Variants in SLC25A46 observed in about 807,000 individuals in gnomAD.
SLC25A46 encodes the protein mitochondrial outer membrane protein SLC25A46.
Under a neutral mutation model 44.6 loss-of-function variants are expected in SLC25A46, and 39 were observed. That is an observed-to-expected ratio of 0.87 (90% CI 0.68 to 1.14). SLC25A46 has a LOEUF of 1.14. Among genes scored for constraint, SLC25A46 ranks in the 50% most tolerant of loss-of-function variants. SLC25A46 has a pLI of 0.00. For synonymous variants in SLC25A46, 202 were observed against 185.8 expected (o/e 1.09, Z -0.71); for missense variants, 547 against 522.7 (o/e 1.05, Z -0.45).
intron 5 of SLC25A46, among the ~76,000 whole-genome samples, chr5:110,749,863 T>C (rs17506192): frequency 0.12 from 18,574 of 152,054 alleles, 1,424 homozygotes; most frequent in South Asian, 0.21. Flanking sequence ...TATTGGAAAT[T>C]AGAAATTTTT....
chr5:110,748,136 A>T, intron 4 of SLC25A46, 27 bp from the exon 5 acceptor site: 1 of 1,532,304 alleles, frequency 6.5e-7, no homozygotes, highest in Non-Finnish European at 9.0e-7. Context: ...GTATTAACAG[A>T]AATAACATGA....
intron 5 of SLC25A46, 43 bp downstream of exon 5, chr5:110,748,306 A>G: frequency 3.3e-6 from 5 of 1,522,682 alleles, no homozygotes; most frequent in Non-Finnish European, 4.6e-6. Context: ...TCATGTGGTG[A>G]TGTGTTTTTA....
At chr5:110,749,235 A>C (rs1799896619) in intron 5 of SLC25A46, among the ~76,000 whole-genome samples, 1 of 152,122 alleles carries the variant, frequency 6.6e-6, no homozygotes, top group African/African-American at 2.4e-5. Flanking sequence ...GAAGAAGATA[A>C]AGAATTTATC....
intron 7 of SLC25A46, among the ~76,000 whole-genome samples, chr5:110,758,911 T>C (rs1463742794): frequency 6.6e-6 from 1 of 152,232 alleles, no homozygotes; most frequent in African/African-American, 2.4e-5. Flanking sequence ...TAAGGATTCA[T>C]ATTGACTCAT....
chr5:110,745,565 C>T (rs1799796376), intron 3 of SLC25A46: 1 of 152,110 alleles, frequency 6.6e-6, no homozygotes, highest in African/African-American at 2.4e-5. Context: ...TTATAACCCA[C>T]TTTCTCTGTA....
Position 110,761,096 on chromosome 5 carries a change from C to T in SLC25A46, c.679-108C>T, listed in dbSNP as rs1800236712. ...AAAGTCTGCAAATCATGGATGTTTC[C>T]CTCTTCAGTCACTATGTTAGGATTT... On this transcript the variant is annotated intron_variant, in intron 7 of 7. Coordinates refer to ENST00000355943, the MANE Select transcript of SLC25A46 (RefSeq NM_138773.4). The surrounding 1 kb of genome is among the most constrained non-coding windows in gnomAD (Gnocchi z 5.3). The T allele has an allele frequency of 1.3e-6, 1 of 795,950 alleles. No individual in the cohort carries two copies. The highest frequency in any genetic ancestry group is 2.6e-5 in the East Asian group (1 of 38,782). 49.3% of individuals were successfully genotyped at this position (795,950 alleles called of 1,614,324 possible). A position where few individuals can be genotyped will look rare whatever the true frequency, so the allele number is the denominator to read the frequency against.
chr5:110,761,449 T>C lies in SLC25A46; in HGVS notation c.924T>C (p.Ser308=). The change falls in exon 8 of 8, where the codon AGT becomes AGC. Residue 308 remains serine (S), a synonymous_variant. Transcript: ENST00000355943. The surrounding 1 kb of genome is among the most constrained non-coding windows in gnomAD (Gnocchi z 5.3). ...CTGAGAGCACTAGCCCTGTGCAGAG[T>C]ATGTTGGATGCTTATTTTCCAGAAC... is the stretch of plus-strand genomic sequence containing the variant. ...HLAESTSPVQ[S]MLDAYFPELI... 1 of 1,613,688 alleles carries C rather than the reference T, an allele frequency of 6.2e-7. No homozygotes were observed. Among genetic ancestry groups the C allele is most frequent in the Non-Finnish European group, 8.5e-7 (1 of 1,179,798 alleles).
chr5:110,757,879 T>A (rs762395537), intron 7 of SLC25A46, among the ~76,000 whole-genome samples: 10 of 152,254 alleles, frequency 6.6e-5, no homozygotes, highest in Non-Finnish European at 1.5e-4. Context: ...ATTATCACAT[T>A]TCTCTGCTTA....
At position 110,739,200 on chromosome 5, in the gene SLC25A46, C is replaced by T. The variant is rs1323118441; in HGVS notation, c.81C>T (p.Ala27=). The T allele has an allele frequency of 5.1e-6, 8 of 1,562,716 alleles. No individual in the cohort carries two copies. Among genetic ancestry groups the T allele is most frequent in the Non-Finnish European group, 6.9e-6 (8 of 1,153,894 alleles). Residue 27 remains alanine, a synonymous_variant, in exon 1 of 8, where the codon GCC becomes GCT. Coordinates refer to ENST00000355943, the MANE Select transcript of SLC25A46 (RefSeq NM_138773.4). ...GGGACGAGCAGGGCTTTGGCGGCGCCTTCCCTGCAAGGTCCTTCAGCACCG... is the reference window on the plus strand; with the variant it reads ...GGGACGAGCAGGGCTTTGGCGGCGCTTTCCCTGCAAGGTCCTTCAGCACCG... The part of the protein sequence containing the change: ...GARDEQGFGG[A]FPARSFSTGS...
intron 2 of SLC25A46, among the ~76,000 whole-genome samples, chr5:110,743,017 G>A (rs145322453): frequency 4.0e-4 from 61 of 151,990 alleles, no homozygotes; most frequent in African/African-American, 1.4e-3. Context: ...TAAAATCTGT[G>A]TTTTCCATTC....
intron 5 of SLC25A46, among the ~76,000 whole-genome samples, chr5:110,751,284 G>A (rs1337050149): frequency 1.3e-5 from 2 of 152,174 alleles, no homozygotes; most frequent in Non-Finnish European, 2.9e-5. Flanking sequence ...ATGAATAATT[G>A]CAAATTGAAA....
chr5:110,738,943 C>T (rs186912891), upstream of SLC25A46: 3 of 1,430,738 alleles, frequency 2.1e-6, no homozygotes, highest in East Asian at 5.1e-5. Flanking sequence ...TTAATGGTTG[C>T]CGGAAGAGGC....
At position 110,762,628 on chromosome 5, in the gene SLC25A46, G is replaced by A. The variant is rs553177449; in HGVS notation, c.*846G>A. The A allele has an allele frequency of 1.3e-5, 2 of 151,884 alleles. No homozygotes were observed. The highest frequency in any genetic ancestry group is 4.8e-5 in the African/African-American group (2 of 41,490). 9.4% of individuals were successfully genotyped at this position (151,884 alleles called of 1,614,324 possible). A position where few individuals can be genotyped will look rare whatever the true frequency, so the allele number is the denominator to read the frequency against. On this transcript the variant is annotated 3_prime_UTR_variant, in exon 8 of 8. Coordinates refer to ENST00000355943, the MANE Select transcript of SLC25A46 (RefSeq NM_138773.4). Reference sequence around the variant, plus strand: ...CTTTGCTAGTTGTGTGAATCATTGGGCTGTTTTTAGAGCCACTGTTAAGAG... The same window carrying A: ...CTTTGCTAGTTGTGTGAATCATTGGACTGTTTTTAGAGCCACTGTTAAGAG...
chr5:110,739,261 G>A lies in SLC25A46; in HGVS notation c.142G>A (p.Asp48Asn), dbSNP rs919490546. 3.2e-6 allele frequency: 5 copies of A among 1,583,104 alleles called. No individual in the cohort carries two copies. The African/African-American group carries it at 4.0e-5, about 13-fold the overall frequency. The change falls in exon 1 of 8, where the codon GAT becomes AAT. Residue 48 changes from aspartate (D) to asparagine (N), a missense_variant. Coordinates refer to ENST00000355943, the MANE Select transcript of SLC25A46 (RefSeq NM_138773.4). ...DLGHWVTTPP[D>N]IPGSRNLHWG... ...GGGCCACTGGGTGACGACTCCCCCA[G>A]ATATCCCCGGCAGCCGCAACCTGCA...
intron 7 of SLC25A46, among the ~76,000 whole-genome samples, chr5:110,760,473 A>G (rs577455057): frequency 6.6e-6 from 1 of 152,236 alleles, no homozygotes; most frequent in Non-Finnish European, 1.5e-5. Context: ...ACTAGAAGCC[A>G]AAGTCTACAG....
intron 1 of SLC25A46, 33 bp downstream of exon 1, chr5:110,739,435 G>C (rs753597140): frequency 6.6e-7 from 1 of 1,505,278 alleles, no homozygotes; most frequent in Non-Finnish European, 8.8e-7. Flanking sequence ...CAGGGATGAG[G>C]GGTTACTGGG....
chr5:110,760,077 A>C (rs1800212428), intron 7 of SLC25A46, among the ~76,000 whole-genome samples: 1 of 152,078 alleles, frequency 6.6e-6, no homozygotes, highest in South Asian at 2.1e-4. Context: ...TAATTTACTT[A>C]ACATTTCTGA....
chr5:110,755,188 T>C (rs1800076302), intron 5 of SLC25A46: 1 of 226,354 alleles, frequency 4.4e-6, no homozygotes, highest in Admixed American at 5.9e-5. Context: ...TTTTCTTCCT[T>C]TAATTTCTCA....
At chr5:110,746,126 G>A (rs1201778246) in intron 3 of SLC25A46, 143 bp from the exon 4 acceptor site, 1 of 641,402 alleles carries the variant, frequency 1.6e-6, no homozygotes, top group Non-Finnish European at 2.7e-6. Flanking sequence ...GCACTTTTAA[G>A]AGTAATTTTG....
Sources: allele counts gnomAD v4.1 joint callset (sites outside exome capture counted in the v4.1 genomes callset), GRCh38; gene constraint gnomAD v4.1.1; non-coding constraint Gnocchi (gnomAD v3.1); transcripts MANE v1.5; gene names NCBI Gene and HGNC (gene_info 2026-07-23, HGNC 2026-07-21).